The following RTN4RL1 variants were observed in gnomAD, a reference collection of about 807,000 sequenced individuals.
RTN4RL1 encodes the protein reticulon 4 receptor like 1.
A neutral mutation model predicts 25.6 loss-of-function variants in RTN4RL1; 7 were observed. The observed-to-expected ratio is 0.27, with a 90% CI of 0.16 to 0.51. The LOEUF (loss-of-function observed/expected upper bound fraction) is 0.51, where lower values mean the gene tolerates loss of function less well. Among genes scored for constraint, RTN4RL1 ranks in the 20% least tolerant of loss-of-function variants. RTN4RL1 has a pLI of 0.97. For synonymous variants in RTN4RL1, 297 were observed against 288.2 expected, an observed-to-expected ratio of 1.03 and a Z score of -0.31; for missense variants, 500 against 615.6, an observed-to-expected ratio of 0.81 and a Z score of 1.99.
rs770742145 is a variant in RTN4RL1, at chr17:1,989,343, C to CT, written c.13+35509dup. Among the ~76,000 whole-genome samples, 1,331 of 140,338 alleles carry CT rather than the reference C, an allele frequency of 9.5e-3. 24 individuals carry two copies. Among genetic ancestry groups the CT allele is most frequent in the African/African-American group, 0.031 (1,183 of 38,474 alleles). The allele number at this position is 140,338 out of a possible 152,430, so 92.1% of individuals were successfully genotyped here. ...TTAATGTGGCCAAAAATTATAGAGG[C>CT]TTTTTTTTTTTTGGAAGGCACATCA... On this transcript the variant is annotated intron_variant, in intron 1 of 1. Transcript: ENST00000331238.
At chr17:1,953,871 T>C (rs1165724635) in intron 1 of RTN4RL1, among the ~76,000 whole-genome samples, 1 of 152,120 alleles carries the variant, frequency 6.6e-6, no homozygotes, top group Non-Finnish European at 1.5e-5. Flanking sequence ...GGCCATTAAA[T>C]TTTTTTTAAA....
At chr17:1,972,461 T>C (rs933455080) in intron 1 of RTN4RL1, among the ~76,000 whole-genome samples, 1 of 152,036 alleles carries the variant, frequency 6.6e-6, no homozygotes, top group Non-Finnish European at 1.5e-5. Context: ...CCCTCTTAGA[T>C]TTCTGGCCGC....
chr17:1,971,926 C>T (rs1360782926), intron 1 of RTN4RL1, among the ~76,000 whole-genome samples: 1 of 134,460 alleles, frequency 7.4e-6, no homozygotes, highest in Admixed American at 7.7e-5. Context: ...TGCGCCACTG[C>T]ACTCCAGCCT....
chr17:2,017,107 C>A (rs1388613080), intron 1 of RTN4RL1, among the ~76,000 whole-genome samples: 2 of 152,214 alleles, frequency 1.3e-5, no homozygotes, highest in Admixed American at 1.3e-4. Context: ...CCCAGGGCCT[C>A]ATGAATCTCT....
At chr17:1,943,480 C>T (rs949447844) in intron 1 of RTN4RL1, among the ~76,000 whole-genome samples, 2 of 152,216 alleles carry the variant, frequency 1.3e-5, no homozygotes, top group Admixed American at 1.3e-4. Context: ...CCGTGGGGCT[C>T]TCTGGGTCTT....
intron 1 of RTN4RL1, among the ~76,000 whole-genome samples, chr17:1,956,033 A>C (rs970325868): frequency 6.6e-6 from 1 of 152,150 alleles, no homozygotes; most frequent in Non-Finnish European, 1.5e-5. Flanking sequence ...GAGCTATATA[A>C]AATTTAAATA....
At chr17:1,996,158 C>T (rs1196348581) in intron 1 of RTN4RL1, among the ~76,000 whole-genome samples, 2 of 152,196 alleles carry the variant, frequency 1.3e-5, no homozygotes, top group South Asian at 2.1e-4. Context: ...CTTCCATGTG[C>T]CTTTTGATGT....
chr17:2,006,759 T>C (rs1169905597), intron 1 of RTN4RL1, among the ~76,000 whole-genome samples: 3 of 152,256 alleles, frequency 2.0e-5, no homozygotes, highest in African/African-American at 7.2e-5. Flanking sequence ...TAGCTAGGAT[T>C]ACAGGCACAT....
chr17:2,002,271 C>G (rs2066963158), intron 1 of RTN4RL1, among the ~76,000 whole-genome samples: 1 of 146,872 alleles, frequency 6.8e-6, no homozygotes, highest in Non-Finnish European at 1.5e-5. Context: ...TTCTTTCTCT[C>G]TTTCTCTTTT....
chr17:1,935,416 T>C lies in RTN4RL1; in HGVS notation c.*1080A>G, dbSNP rs766018801. 25 of 400,430 alleles carry C rather than the reference T, an allele frequency of 6.2e-5. No individual in the cohort carries two copies. Among genetic ancestry groups the C allele is most frequent in the Non-Finnish European group, 8.1e-5 (24 of 295,142 alleles). The allele number at this position is 400,430 out of a possible 1,614,324, so 24.8% of individuals were successfully genotyped here. ...GTGGCAGACAGGCTTGTGTTGCATA[T>C]AAAAACAAGGTGATGCTCTAAATAT... On this transcript the variant is annotated 3_prime_UTR_variant, in exon 2 of 2. Transcript: ENST00000331238.
chr17:2,016,188 C>G (rs1311056274), intron 1 of RTN4RL1, among the ~76,000 whole-genome samples: 1 of 152,166 alleles, frequency 6.6e-6, no homozygotes, highest in African/African-American at 2.4e-5. Flanking sequence ...CAAGACCAGC[C>G]TGGCCAACAT....
At chr17:1,983,579 T>C (rs2066876210) in intron 1 of RTN4RL1, among the ~76,000 whole-genome samples, 1 of 152,066 alleles carries the variant, frequency 6.6e-6, no homozygotes, top group Non-Finnish European at 1.5e-5. Flanking sequence ...CTTCTATTTT[T>C]TCTGTAGAGA....
chr17:1,978,946 T>C (rs889573282), intron 1 of RTN4RL1, among the ~76,000 whole-genome samples: 1 of 152,216 alleles, frequency 6.6e-6, no homozygotes, highest in African/African-American at 2.4e-5. Context: ...GCAGAAGGTG[T>C]GGCCCCCTCA....
chr17:1,986,263 C>T (rs538291648), intron 1 of RTN4RL1, among the ~76,000 whole-genome samples: 5 of 152,172 alleles, frequency 3.3e-5, no homozygotes, highest in African/African-American at 9.6e-5. Context: ...ATCCTCATGA[C>T]CACCCGATGA....
chr17:2,001,054 C>CTTTTT (rs541156399), intron 1 of RTN4RL1, among the ~76,000 whole-genome samples: 1 of 144,348 alleles, frequency 6.9e-6, no homozygotes. Flanking sequence ...TTTTCATTTA[C>CTTTTT]TTTTTTTTTT....
At chr17:2,010,197 C>T (rs2067033496) in intron 1 of RTN4RL1, among the ~76,000 whole-genome samples, 1 of 128,524 alleles carries the variant, frequency 7.8e-6, no homozygotes, top group Non-Finnish European at 1.6e-5. Context: ...TAGCTCACGC[C>T]TATAATCCCA....
intron 1 of RTN4RL1, among the ~76,000 whole-genome samples, chr17:1,960,574 A>C (rs893799823): frequency 6.6e-6 from 1 of 152,194 alleles, no homozygotes; most frequent in African/African-American, 2.4e-5. Context: ...ATTACAAATA[A>C]ATAACTAAAA....
chr17:1,997,898 C>T (rs2066936736), intron 1 of RTN4RL1, among the ~76,000 whole-genome samples: 4 of 152,238 alleles, frequency 2.6e-5, no homozygotes, highest in Admixed American at 2.6e-4. Flanking sequence ...GTGACAAGGG[C>T]AGGCCGGCAG....
intron 1 of RTN4RL1, among the ~76,000 whole-genome samples, chr17:1,948,097 G>A (rs183223623): frequency 7.9e-4 from 120 of 152,316 alleles, no homozygotes; most frequent in African/African-American, 1.7e-3. Context: ...CCAACCCGCC[G>A]CAGAAAGACC....
Sources: gnomAD v4.1 joint callset for allele counts (sites outside exome capture counted in the v4.1 genomes callset) on GRCh38, gnomAD v4.1.1 for gene constraint, MANE v1.5 for transcripts, NCBI Gene and HGNC (gene_info 2026-07-23, HGNC 2026-07-21) for gene names.